The following LARP4B variants were observed in gnomAD, a reference collection of about 807,000 sequenced individuals.
LARP4B encodes la-related protein 4B.
In LARP4B, 12 loss-of-function variants were observed where a neutral mutation model predicts 89.8. The ratio of observed to expected loss-of-function variants is 0.13; its 90% CI spans 0.09 to 0.22. The LOEUF is 0.22. Ranked by LOEUF, LARP4B falls within the 10% of genes least tolerant of loss-of-function variation. The pLI, the probability that LARP4B is intolerant of heterozygous loss-of-function variation, is 1.00. For synonymous variants in LARP4B, 367 were observed against 363.3 expected (o/e 1.01, Z -0.12); for missense variants, 757 against 947.7 (o/e 0.80, Z 2.64).
the LARP4B span, among the ~76,000 whole-genome samples, chr10:951,661 T>A: frequency 6.6e-6 from 1 of 152,138 alleles, no homozygotes; most frequent in Non-Finnish European, 1.5e-5. Context: ...TGATGTTGCA[T>A]CCCAGGACGA....
chr10:934,833 C>T (rs1369313096), upstream of LARP4B, among the ~76,000 whole-genome samples: 1 of 152,346 alleles, frequency 6.6e-6, no homozygotes, highest in African/African-American at 2.4e-5. Context: ...CCCGTCCCCC[C>T]AGTGGTTTTG....
intron 3 of LARP4B, among the ~76,000 whole-genome samples, chr10:876,160 C>A (rs188997685): frequency 6.6e-6 from 1 of 152,252 alleles, no homozygotes; most frequent in Non-Finnish European, 1.5e-5. Flanking sequence ...CCAAAGCAGG[C>A]GGATCACCTG....
At chr10:924,081 A>AT (rs907517772) in intron 1 of LARP4B, among the ~76,000 whole-genome samples, 9 of 150,478 alleles carry the variant, frequency 6.0e-5, no homozygotes, top group Non-Finnish European at 8.9e-5. Context: ...ACAAAAAAAA[A>AT]TTTTTTTTTT....
the LARP4B span, among the ~76,000 whole-genome samples, chr10:963,296 C>T: frequency 1.3e-5 from 2 of 152,170 alleles, no homozygotes; most frequent in African/African-American, 2.4e-5. Flanking sequence ...AGTGAGTGAC[C>T]GTGGATCTTT....
chr10:814,750 C>A lies in LARP4B; in HGVS notation c.1921G>T (p.Ala641Ser). 6.3e-7 allele frequency: 1 copy of A among 1,592,326 alleles called. No individual in the cohort carries two copies. The highest frequency in any genetic ancestry group is 8.6e-7 in the Non-Finnish European group (1 of 1,168,982). The stretch of plus-strand genomic sequence containing the variant: ...AGGCACGAGGTACGTACCGTGGCGG[C>A]TCCGTTCACCTGCACCGATTTACAC... ...TACKSVQVNG[A>S]ATELRKPSYA... Residue 641 changes from alanine (A) to serine (S), a missense_variant, in exon 17 of 18, where the codon GCC becomes TCC. By Grantham distance (99) the Ala-to-Ser change is moderately conservative (BLOSUM62 1). Around this residue, in one of 5 missense-constraint regions of LARP4B, gnomAD observed 387 missense variants for 423.6 expected, o/e 0.91. Transcript: ENST00000316157. This position sits in a 1 kb window ranked among gnomAD's most constrained non-coding sequence, Gnocchi z 4.4.
chr10:896,267 T>C (rs1043317415), intron 1 of LARP4B, among the ~76,000 whole-genome samples: 1 of 152,250 alleles, frequency 6.6e-6, no homozygotes, highest in African/African-American at 2.4e-5. Flanking sequence ...GCAAAGATGT[T>C]CTTTGCTTTT....
At chr10:961,707 A>T in the LARP4B span, among the ~76,000 whole-genome samples, 83,514 of 151,680 alleles carry the variant, frequency 0.55, 23,159 homozygotes, top group East Asian at 0.62. Context: ...GCCAGAGAGG[A>T]GACGAGAGAG....
upstream of LARP4B, among the ~76,000 whole-genome samples, chr10:932,801 A>C (rs1455249406): frequency 8.0e-4 from 82 of 102,346 alleles, no homozygotes; most frequent in Middle Eastern, 6.8e-3. Flanking sequence ...AGGCCCCGGC[A>C]CTGCCCCGAA....
the LARP4B span, among the ~76,000 whole-genome samples, chr10:952,326 C>T: frequency 1.4e-4 from 16 of 113,880 alleles, no homozygotes; most frequent in African/African-American, 4.2e-4. Context: ...GGTGACAGAG[C>T]GAGACTCCAT....
Position 931,486 on chromosome 10 carries a change from G to T in LARP4B, c.-98C>A. 6.7e-6 allele frequency: 1 copy of T among 149,232 alleles called. No homozygotes were observed. The highest frequency in any genetic ancestry group is 1.8e-4 in the South Asian group (1 of 5,474). 9.2% of individuals were successfully genotyped at this position (149,232 alleles called of 1,614,324 possible). ...CCGCGGGCTCCTCGCCTCAACCCCGGGGCCCGGCGGCCGCGCCACACGCGG... is the reference window on the plus strand; with the variant it reads ...CCGCGGGCTCCTCGCCTCAACCCCGTGGCCCGGCGGCCGCGCCACACGCGG... On this transcript the variant is annotated 5_prime_UTR_variant, in exon 1 of 18. Transcript: ENST00000316157.
intron 1 of LARP4B, among the ~76,000 whole-genome samples, chr10:908,506 G>A (rs1440194120): frequency 6.6e-6 from 1 of 152,084 alleles, no homozygotes; most frequent in Non-Finnish European, 1.5e-5. Flanking sequence ...GGCATCAGAA[G>A]GGGCAGTCTT....
chr10:954,523 G>T, the LARP4B span, among the ~76,000 whole-genome samples: 1 of 152,112 alleles, frequency 6.6e-6, no homozygotes, highest in Non-Finnish European at 1.5e-5. The surrounding 1 kb of genome is among the most constrained non-coding windows in gnomAD (Gnocchi z 5.0). Flanking sequence ...CGAAAAGTTG[G>T]GCCCCGTGGA....
intron 5 of LARP4B, among the ~76,000 whole-genome samples, chr10:858,205 G>T (rs146849778): frequency 4.1e-4 from 63 of 152,236 alleles, no homozygotes; most frequent in African/African-American, 1.2e-3. Context: ...TAGACACACA[G>T]CCCAATGCAA....
chr10:850,873 GA>G (rs1213085628), intron 5 of LARP4B, among the ~76,000 whole-genome samples: 3 of 151,938 alleles, frequency 2.0e-5, no homozygotes, highest in Non-Finnish European at 4.4e-5. Flanking sequence ...AATTATCTAT[GA>G]GTCAAAGAAA....
intron 15 of LARP4B, among the ~76,000 whole-genome samples, chr10:816,815 G>C (rs941772974): frequency 2.0e-5 from 3 of 152,176 alleles, no homozygotes; most frequent in African/African-American, 4.8e-5. Flanking sequence ...TCATTGTAAA[G>C]ATACTGCATC....
At chr10:954,513 C>T in the LARP4B span, among the ~76,000 whole-genome samples, 2 of 152,016 alleles carry the variant, frequency 1.3e-5, no homozygotes, top group African/African-American at 2.4e-5. The surrounding 1 kb of genome is among the most constrained non-coding windows in gnomAD (Gnocchi z 5.0). Context: ...AGAAGAGGTG[C>T]GAAAAGTTGG....
the LARP4B span, among the ~76,000 whole-genome samples, chr10:978,896 C>A: frequency 6.6e-6 from 1 of 152,108 alleles, no homozygotes; most frequent in Non-Finnish European, 1.5e-5. Flanking sequence ...TTTCTCTGGG[C>A]ATCGAATTCT....
intron 1 of LARP4B, among the ~76,000 whole-genome samples, chr10:922,510 C>CT (rs1373216453): frequency 1.3e-5 from 2 of 151,756 alleles, no homozygotes; most frequent in South Asian, 2.1e-4. Context: ...GGCCAGGAGA[C>CT]TGAGGCCAGC....
At chr10:829,342 C>A in intron 11 of LARP4B, 43 bp downstream of exon 11, 1 of 1,475,398 alleles carries the variant, frequency 6.8e-7, no homozygotes, top group Non-Finnish European at 9.2e-7. Flanking sequence ...AATTATCTAG[C>A]ATAGTGTCTA....
Sources: allele counts gnomAD v4.1 joint callset (sites outside exome capture counted in the v4.1 genomes callset), GRCh38; gene constraint gnomAD v4.1.1; regional missense constraint gnomAD v4.1.1; non-coding constraint Gnocchi (gnomAD v3.1); transcripts MANE v1.5; gene names NCBI Gene and HGNC (gene_info 2026-07-23, HGNC 2026-07-21).